The following KCNH1 variants were observed in gnomAD, a reference collection of about 807,000 sequenced individuals.
The protein encoded by KCNH1 is potassium voltage-gated channel subfamily H member 1.
In KCNH1, 27 loss-of-function variants were observed where a neutral mutation model predicts 69.2. The observed-to-expected ratio is 0.39, with a 90% CI of 0.29 to 0.54. KCNH1 has a LOEUF of 0.54. Among genes scored for constraint, KCNH1 ranks in the 20% least tolerant of loss-of-function variants. The pLI is 0.68. For synonymous variants in KCNH1, 456 were observed against 487.7 expected (o/e 0.93, Z 0.86); for missense variants, 798 against 1,261.6 (o/e 0.63, Z 5.57).
Position 211,090,703 on chromosome 1 carries a change from T to A in KCNH1, c.311-13A>T. On this transcript the variant is annotated splice_polypyrimidine_tract_variant and intron_variant, in intron 3 of 10. Coordinates refer to ENST00000271751, the MANE Select transcript of KCNH1 (RefSeq NM_172362.3). ...CACACAGGTGTCCCTGAAAGGAATATCAAAAGGTTGGTCAGTAATTTGCAT... is the reference window on the plus strand; with the variant it reads ...CACACAGGTGTCCCTGAAAGGAATAACAAAAGGTTGGTCAGTAATTTGCAT... The A allele has an allele frequency of 6.3e-7, 1 of 1,595,678 alleles. No homozygotes were observed. The highest frequency in any genetic ancestry group is 1.4e-5 in the African/African-American group (1 of 73,908).
At chr1:210,737,290 C>T (rs1682902943) in intron 10 of KCNH1, among the ~76,000 whole-genome samples, 1 of 152,120 alleles carries the variant, frequency 6.6e-6, no homozygotes, top group Non-Finnish European at 1.5e-5. Flanking sequence ...AAAAGAAAGT[C>T]ATCAGGTGCA....
At chr1:211,050,208 G>A (rs1418105886) in intron 5 of KCNH1, among the ~76,000 whole-genome samples, 17 of 130,184 alleles carry the variant, frequency 1.3e-4, no homozygotes, top group African/African-American at 8.7e-5. Context: ...GTTTAGAAAC[G>A]ACTTGGGTTT....
At chr1:210,944,073 C>G (rs1687917821) in intron 6 of KCNH1, among the ~76,000 whole-genome samples, 1 of 152,206 alleles carries the variant, frequency 6.6e-6, no homozygotes, top group Non-Finnish European at 1.5e-5. Context: ...GAGGAGGCCA[C>G]TAATGCCCAA....
At chr1:210,688,559 A>G (rs191630001) in intron 10 of KCNH1, among the ~76,000 whole-genome samples, 2,572 of 152,336 alleles carry the variant, frequency 0.017, 34 homozygotes, top group Middle Eastern at 0.031. Context: ...TGCACCACAC[A>G]TAGGCTCCTG....
intron 7 of KCNH1, among the ~76,000 whole-genome samples, chr1:210,826,248 A>C (rs954189810): frequency 6.6e-6 from 1 of 152,116 alleles, no homozygotes; most frequent in African/African-American, 2.4e-5. Context: ...TTTTTTATTT[A>C]AGGATGATTC....
Position 211,107,240 on chromosome 1 carries a change from C to A in KCNH1, c.203+14G>T, listed in dbSNP as rs2102486108. 1 of 1,612,438 alleles carries A rather than the reference C, an allele frequency of 6.2e-7. No homozygotes were observed. The highest frequency in any genetic ancestry group is 1.1e-5 in the South Asian group (1 of 90,804). On this transcript the variant is annotated intron_variant, in intron 2 of 10. Transcript: ENST00000271751. ...TAATAGATTGTTCACCAGAACAACT[C>A]CAAACATAAATACCTGCAGGTGCTG...
At chr1:211,008,638 C>G (rs1176205481) in intron 6 of KCNH1, among the ~76,000 whole-genome samples, 1 of 152,150 alleles carries the variant, frequency 6.6e-6, no homozygotes, top group Non-Finnish European at 1.5e-5. Flanking sequence ...CGATAGAAGT[C>G]AGAATAATGG....
At chr1:210,890,892 C>T (rs2102522221) in intron 7 of KCNH1, among the ~76,000 whole-genome samples, 1 of 152,282 alleles carries the variant, frequency 6.6e-6, no homozygotes, top group Admixed American at 6.5e-5. Context: ...CAGGAAACAA[C>T]AGGTGCTGGA....
At chr1:210,886,409 C>T (rs1686606501) in intron 7 of KCNH1, among the ~76,000 whole-genome samples, 1 of 152,008 alleles carries the variant, frequency 6.6e-6, no homozygotes, top group Non-Finnish European at 1.5e-5. Flanking sequence ...CATCAAAGAC[C>T]AAAGATAGAA....
At chr1:211,127,126 C>T (rs530874158) in intron 1 of KCNH1, among the ~76,000 whole-genome samples, 3 of 152,194 alleles carry the variant, frequency 2.0e-5, no homozygotes, top group African/African-American at 7.2e-5. Flanking sequence ...AAAAGCTGTA[C>T]TCATTTTGGT....
intron 6 of KCNH1, among the ~76,000 whole-genome samples, chr1:210,988,767 G>A (rs779540100): frequency 6.6e-6 from 1 of 152,196 alleles, no homozygotes; most frequent in Non-Finnish European, 1.5e-5. Flanking sequence ...TCATGTTGGA[G>A]TGGAGTGAAG....
At chr1:210,897,005 G>C (rs1018182851) in intron 7 of KCNH1, among the ~76,000 whole-genome samples, 57 of 152,258 alleles carry the variant, frequency 3.7e-4, no homozygotes, top group African/African-American at 1.3e-3. Flanking sequence ...CCTGTGACTG[G>C]CTTCATACCT....
At chr1:210,976,617 G>T (rs1298269818) in intron 6 of KCNH1, among the ~76,000 whole-genome samples, 3 of 143,384 alleles carry the variant, frequency 2.1e-5, no homozygotes, top group Non-Finnish European at 4.6e-5. Flanking sequence ...ATACCCAAAG[G>T]ATTATAAATC....
rs1222105510 is a variant in KCNH1, at chr1:210,679,669, T to C, written c.*3612A>G. 6.6e-6 allele frequency: 1 copy of C among 152,174 alleles called. No individual in the cohort carries two copies. Among genetic ancestry groups the C allele is most frequent in the East Asian group, 1.9e-4 (1 of 5,182 alleles). 9.4% of individuals were successfully genotyped at this position (152,174 alleles called of 1,614,324 possible). A position where few individuals can be genotyped will look rare whatever the true frequency, so the allele number is the denominator to read the frequency against. ...GCTTGCTGAATGGGATGGGGTGGTA[T>C]AGTACATTTTTACCCCTGCCCAGCC... On this transcript the variant is annotated 3_prime_UTR_variant, in exon 11 of 11. Transcript: ENST00000271751.
At chr1:211,049,880 T>A (rs911848279) in intron 5 of KCNH1, among the ~76,000 whole-genome samples, 9 of 152,190 alleles carry the variant, frequency 5.9e-5, no homozygotes, top group African/African-American at 1.9e-4. Flanking sequence ...AAGATCCCCA[T>A]CTCTCAGGAG....
chr1:210,979,588 A>G lies in KCNH1; in HGVS notation c.1032+39195T>C, dbSNP rs968552889. 2.0e-5 allele frequency among the ~76,000 whole-genome samples: 3 copies of G among 152,246 alleles called. No individual in the cohort carries two copies. In the East Asian group the frequency reaches 5.8e-4, roughly 29 times the overall value. ...TCTGGATATGTTTCTCATCTCTGTG[A>G]ATTTATTATAGATGTATGTTTGATA... On this transcript the variant is annotated intron_variant, in intron 6 of 10. Coordinates refer to ENST00000271751, the MANE Select transcript of KCNH1 (RefSeq NM_172362.3).
chr1:211,106,971 G>A (rs191855906), intron 2 of KCNH1, among the ~76,000 whole-genome samples: 8 of 152,174 alleles, frequency 5.3e-5, no homozygotes, highest in Admixed American at 4.6e-4. Context: ...CTAAAATGCC[G>A]TAACTTTTGA....
At chr1:210,934,534 G>A (rs970346851) in intron 6 of KCNH1, among the ~76,000 whole-genome samples, 9 of 152,146 alleles carry the variant, frequency 5.9e-5, no homozygotes, top group Non-Finnish European at 1.0e-4. Context: ...AGCTACTTGG[G>A]AGGCTGAGGC....
intron 6 of KCNH1, among the ~76,000 whole-genome samples, chr1:210,970,988 T>C (rs1688501809): frequency 6.6e-6 from 1 of 152,104 alleles, no homozygotes; most frequent in Admixed American, 6.6e-5. Context: ...GCAGAGGACA[T>C]GAACAGACAC....
Sources: gnomAD v4.1 joint callset for allele counts (sites outside exome capture counted in the v4.1 genomes callset) on GRCh38, gnomAD v4.1.1 for gene constraint, MANE v1.5 for transcripts, NCBI Gene and HGNC (gene_info 2026-07-23, HGNC 2026-07-21) for gene names.